The following PCDHA2 variants were observed in gnomAD, a reference collection of about 807,000 sequenced individuals.
PCDHA2 encodes the protein protocadherin alpha-2.
A neutral mutation model predicts 66.0 loss-of-function variants in PCDHA2; 58 were observed. That is an observed-to-expected ratio of 0.88 (90% confidence interval 0.71 to 1.09). The LOEUF is 1.09. Among genes scored for constraint, PCDHA2 ranks in the 50% least tolerant of loss-of-function variants. The probability of loss-of-function intolerance (pLI) is 0.00; values close to 1 mark genes in which losing one functional copy is unlikely to be tolerated. For missense variants in PCDHA2, 1,267 were observed against 1,242.3 expected, an observed-to-expected ratio of 1.02 and a Z score of -0.30; for synonymous variants, 634 against 554.0, an observed-to-expected ratio of 1.14 and a Z score of -2.03.
chr5:140,803,433 G>C (rs369373965), intron 1 of PCDHA2: 1 of 1,614,216 alleles, frequency 6.2e-7, no homozygotes, highest in African/African-American at 1.3e-5. Flanking sequence ...CAGCGCGGTG[G>C]GGAGCTGGTC....
chr5:140,928,216 A>T, intron 1 of PCDHA2: 1 of 1,614,188 alleles, frequency 6.2e-7, no homozygotes, highest in Non-Finnish European at 8.5e-7. Context: ...GAATGACAAT[A>T]CACCAAACTT....
intron 1 of PCDHA2, chr5:140,814,709 G>C (rs1765568789): frequency 6.6e-6 from 1 of 152,108 alleles, no homozygotes; most frequent in Non-Finnish European, 1.5e-5. Flanking sequence ...ATCATCACTA[G>C]GTGATAGGAA....
intron 1 of PCDHA2, chr5:140,822,818 A>G (rs2150119622): frequency 6.2e-7 from 1 of 1,614,182 alleles, no homozygotes; most frequent in African/African-American, 1.3e-5. Flanking sequence ...AATACCCCAG[A>G]GATGGCCATA....
intron 1 of PCDHA2, among the ~76,000 whole-genome samples, chr5:140,832,018 A>G (rs1771809703): frequency 6.6e-6 from 1 of 152,212 alleles, no homozygotes; most frequent in Admixed American, 6.6e-5. Context: ...TTACGTAAAG[A>G]TTGAATTTTT....
chr5:140,836,427 G>A (rs2150260736), intron 1 of PCDHA2: 1 of 1,613,858 alleles, frequency 6.2e-7, no homozygotes, highest in South Asian at 1.1e-5. Flanking sequence ...GTCGTCGCGG[G>A]CATCGTTGGG....
chr5:140,795,600 G>A lies in PCDHA2; in HGVS notation c.636G>A (p.Leu212=). The change falls in exon 1 of 4, where the codon CTG becomes CTA. Residue 212 remains leucine (L), a synonymous_variant. Coordinates refer to ENST00000526136, the MANE Select transcript of PCDHA2 (RefSeq NM_018905.3). ...AAACTGCTGAGGTTAATTTGTTACT[G>A]GTGGCTACTGATGGGGGCAAACCTG... The part of the protein sequence containing the change: ...REETAEVNLL[L]VATDGGKPEL... 1 of 1,614,168 alleles carries A rather than the reference G, an allele frequency of 6.2e-7. No individual in the cohort carries two copies. The highest frequency in any genetic ancestry group is 8.5e-7 in the Non-Finnish European group (1 of 1,180,030).
chr5:140,834,326 A>T, intron 1 of PCDHA2: 1 of 1,449,926 alleles, frequency 6.9e-7, no homozygotes, highest in Non-Finnish European at 9.4e-7. Context: ...GGATAAAAAC[A>T]TTCCTATAAA....
At chr5:140,931,793 A>C (rs979670484) in intron 1 of PCDHA2, among the ~76,000 whole-genome samples, 33 of 151,972 alleles carry the variant, frequency 2.2e-4, no homozygotes, top group African/African-American at 7.7e-4. Context: ...TATTGATCTG[A>C]TCTTAATTCT....
intron 1 of PCDHA2, chr5:140,809,227 A>G (rs376976270): frequency 4.6e-5 from 74 of 1,613,866 alleles, no homozygotes; most frequent in Non-Finnish European, 5.6e-5. Flanking sequence ...AGGCCTCCTC[A>G]CGGGCGTTGG....
intron 1 of PCDHA2, chr5:140,927,637 G>C (rs1554204838): frequency 6.2e-7 from 1 of 1,614,176 alleles, no homozygotes; most frequent in Non-Finnish European, 8.5e-7. Flanking sequence ...TGCACCCAAT[G>C]GGACTGTGTT....
chr5:140,902,180 A>G (rs991898675), intron 1 of PCDHA2, among the ~76,000 whole-genome samples: 2 of 140,608 alleles, frequency 1.4e-5, no homozygotes, highest in East Asian at 4.1e-4. Context: ...GATGTCCTTT[A>G]TGTCTTCTCT....
At chr5:140,830,320 C>T (rs2150184888) in intron 1 of PCDHA2, 13 of 1,613,872 alleles carry the variant, frequency 8.1e-6, no homozygotes, top group African/African-American at 2.7e-5. Flanking sequence ...TGTGCTCCAG[C>T]GCAGTGGGGA....
chr5:140,852,725 A>G lies in PCDHA2; in HGVS notation c.2388+55373A>G. The G allele has an allele frequency of 3.1e-6, 3 of 983,054 alleles. 1 individual carries two copies. The highest frequency in any genetic ancestry group is 3.7e-6 in the Non-Finnish European group (3 of 815,624). 60.9% of individuals were successfully genotyped at this position (983,054 alleles called of 1,614,324 possible). A position where few individuals can be genotyped will look rare whatever the true frequency, so the allele number is the denominator to read the frequency against. On this transcript the variant is annotated intron_variant, in intron 1 of 3. Coordinates refer to ENST00000526136, the MANE Select transcript of PCDHA2 (RefSeq NM_018905.3). ...GTATCTTTGTCTTTGCACGTTTTTC[A>G]AGTTTCATGTGCCATTTAAACTTGG...
intron 1 of PCDHA2, among the ~76,000 whole-genome samples, chr5:140,952,560 C>T (rs536018099): frequency 5.2e-4 from 79 of 152,304 alleles, no homozygotes; most frequent in Non-Finnish European, 1.0e-3. Context: ...TCACTATCAG[C>T]ACTTCGGTCC....
chr5:140,802,430 C>G (rs1047484049), intron 1 of PCDHA2: 2 of 1,614,204 alleles, frequency 1.2e-6, no homozygotes, highest in Admixed American at 3.3e-5. Context: ...TGCTGGACAG[C>G]CCTCTGGACC....
chr5:140,876,499 G>C, intron 1 of PCDHA2: 1 of 1,614,028 alleles, frequency 6.2e-7, no homozygotes, highest in South Asian at 1.1e-5. Flanking sequence ...AGTTCTGGAC[G>C]TGAATGACAA....
In PCDHA2 at chr5:141,011,970, C is replaced by T. The variant is rs975637071; in HGVS notation, c.*2033C>T. ...AGCATTAAATTTAAAAAAAAACTGT[C>T]TTGTCTACTTTTAGCTTCATTCTCC... On this transcript the variant is annotated 3_prime_UTR_variant, in exon 4 of 4. Coordinates refer to ENST00000526136, the MANE Select transcript of PCDHA2 (RefSeq NM_018905.3). 6.5e-6 allele frequency: 1 copy of T among 153,576 alleles called. No homozygotes were observed. Among genetic ancestry groups the T allele is most frequent in the African/African-American group, 2.4e-5 (1 of 41,406 alleles). The allele number at this position is 153,576 out of a possible 1,614,324, so 9.5% of individuals were successfully genotyped here.
At chr5:140,859,508 T>A (rs1298997050) in intron 1 of PCDHA2, 1 of 197,594 alleles carries the variant, frequency 5.1e-6, no homozygotes, top group Non-Finnish European at 1.0e-5. Flanking sequence ...CTGATACCCA[T>A]GATTTCATTT....
intron 1 of PCDHA2, among the ~76,000 whole-genome samples, chr5:140,846,820 A>G (rs1780694955): frequency 6.7e-6 from 1 of 149,706 alleles, no homozygotes; most frequent in Non-Finnish European, 1.5e-5. Flanking sequence ...TTTGAGGTCA[A>G]ATAAAGAATA....
Sources: gnomAD v4.1 joint callset for allele counts (sites outside exome capture counted in the v4.1 genomes callset) on GRCh38, gnomAD v4.1.1 for gene constraint, MANE v1.5 for transcripts, NCBI Gene and HGNC (gene_info 2026-07-23, HGNC 2026-07-21) for gene names.